JARID2: variants seen among roughly 807,000 people sequenced by gnomAD.
The protein encoded by JARID2 is jumonji and AT-rich interaction domain containing 2, also known as protein Jumonji.
Under a neutral mutation model 125.6 loss-of-function variants are expected in JARID2, and 21 were observed. That is an observed-to-expected ratio of 0.17 (90% CI 0.12 to 0.24). The LOEUF is 0.24. JARID2 is among the 10% of genes least tolerant of loss of function. JARID2 has a pLI of 1.00. For missense variants in JARID2, 1,303 were observed against 1,639.6 expected (o/e 0.79, Z 3.55); for synonymous variants, 736 against 661.6 (o/e 1.11, Z -1.73).
intron 1 of JARID2, among the ~76,000 whole-genome samples, chr6:15,328,113 C>T (rs1023731383): frequency 1.3e-5 from 2 of 152,012 alleles, no homozygotes; most frequent in Admixed American, 1.3e-4. Context: ...TGTGAGAGTT[C>T]ATGAAGGGAA....
rs1771856115 is a variant in JARID2 at position 15,521,594 on chromosome 6, G to A, written c.*1343G>A. On this transcript the variant is annotated 3_prime_UTR_variant, in exon 18 of 18. Transcript: ENST00000341776. ...AGCTGTTGCCCTTCTCCGGTTGTGT[G>A]TACAGTATGTGTGGAATAAAAAAGG... 1 of 152,100 alleles carries A rather than the reference G, an allele frequency of 6.6e-6. No individual in the cohort carries two copies. 9.4% of individuals were successfully genotyped at this position (152,100 alleles called of 1,614,324 possible). A position where few individuals can be genotyped will look rare whatever the true frequency, so the allele number is the denominator to read the frequency against.
In JARID2 at chr6:15,504,522, C is replaced by T. The variant is rs1770900710; in HGVS notation, c.2471C>T (p.Thr824Ile). ...CAGGGAAGGTCTGTTTCTCTAACAACTTTTTATCGAACAGCGAGGAATATC... is the reference window on the plus strand; with the variant it reads ...CAGGGAAGGTCTGTTTCTCTAACAATTTTTTATCGAACAGCGAGGAATATC... ...IYKGRSVSLT[T>I]FYRTARNIMS... is the part of the protein sequence containing the mutation. The change falls in exon 9 of 18, where the codon ACT (threonine) becomes ATT (isoleucine). Residue 824 changes from threonine to isoleucine, a missense_variant. By Grantham distance (89) the Thr-to-Ile change is moderately conservative. Around this residue, in one of 11 missense-constraint regions of JARID2, gnomAD observed 29 missense variants for 47.7 expected, o/e 0.61. Transcript: ENST00000341776. 1 of 1,613,744 alleles carries T rather than the reference C, an allele frequency of 6.2e-7. No individual in the cohort carries two copies. Among genetic ancestry groups the T allele is most frequent in the East Asian group, 2.2e-5 (1 of 44,888 alleles).
chr6:15,423,545 T>G (rs1766594002), intron 3 of JARID2, among the ~76,000 whole-genome samples: 1 of 152,174 alleles, frequency 6.6e-6, no homozygotes, highest in Admixed American at 6.5e-5. Flanking sequence ...GTATTTTAAG[T>G]TCACTTTTAT....
intron 16 of JARID2, among the ~76,000 whole-genome samples, chr6:15,514,540 C>T (rs1384545955): frequency 6.6e-6 from 1 of 152,182 alleles, no homozygotes; most frequent in Non-Finnish European, 1.5e-5. Context: ...TCCTTGGCCT[C>T]CCAGTGTGAC....
chr6:15,284,436 C>G (rs1760914068), intron 1 of JARID2, among the ~76,000 whole-genome samples: 1 of 151,898 alleles, frequency 6.6e-6, no homozygotes, highest in Non-Finnish European at 1.5e-5. Flanking sequence ...CAGCTCTGGG[C>G]TATACTCCAG....
At chr6:15,420,706 G>T (rs905637930) in intron 3 of JARID2, among the ~76,000 whole-genome samples, 3 of 152,180 alleles carry the variant, frequency 2.0e-5, no homozygotes, top group South Asian at 2.1e-4. Flanking sequence ...ATTGTTCTGA[G>T]ATCTGATTAT....
intron 1 of JARID2, among the ~76,000 whole-genome samples, chr6:15,279,685 A>G (rs1434653617): frequency 6.6e-6 from 1 of 152,018 alleles, no homozygotes; most frequent in Non-Finnish European, 1.5e-5. Flanking sequence ...ACTTGTGTTA[A>G]TTTGTCAGAG....
chr6:15,490,979 C>T (rs1270092683), intron 6 of JARID2, among the ~76,000 whole-genome samples: 1 of 152,136 alleles, frequency 6.6e-6, no homozygotes, highest in Non-Finnish European at 1.5e-5. Flanking sequence ...TTTTGCAGGA[C>T]CTTCCATTGA....
chr6:15,485,644 T>C (rs1194686928), intron 5 of JARID2, among the ~76,000 whole-genome samples: 2 of 152,242 alleles, frequency 1.3e-5, no homozygotes, highest in African/African-American at 2.4e-5. Context: ...TTAATTGTTA[T>C]ACTTTCATAA....
intron 6 of JARID2, among the ~76,000 whole-genome samples, chr6:15,491,121 CT>C (rs1241430794): frequency 6.6e-6 from 1 of 152,170 alleles, no homozygotes; most frequent in East Asian, 1.9e-4. Context: ...GAAAATACGG[CT>C]ATTGAGAAGG....
intron 1 of JARID2, among the ~76,000 whole-genome samples, chr6:15,263,448 G>A (rs1424468409): frequency 6.6e-6 from 1 of 151,940 alleles, no homozygotes; most frequent in Non-Finnish European, 1.5e-5. Context: ...ACTACCCTTC[G>A]TAATGAACTC....
intron 1 of JARID2, among the ~76,000 whole-genome samples, chr6:15,334,249 G>A (rs1413182539): frequency 1.3e-5 from 2 of 152,148 alleles, no homozygotes; most frequent in African/African-American, 4.8e-5. Flanking sequence ...TTGTCAGTGT[G>A]CTGCATAATG....
chr6:15,365,248 A>G (rs1298688072), intron 1 of JARID2, among the ~76,000 whole-genome samples: 2 of 152,204 alleles, frequency 1.3e-5, no homozygotes, highest in Non-Finnish European at 2.9e-5. Context: ...GTGAAGGTAC[A>G]TTGACAATCC....
At chr6:15,516,515 C>T (rs1771568289) in intron 16 of JARID2, among the ~76,000 whole-genome samples, 1 of 152,206 alleles carries the variant, frequency 6.6e-6, no homozygotes, top group Non-Finnish European at 1.5e-5. Context: ...TTGTGGACAG[C>T]CCGCCCAAGG....
chr6:15,393,204 T>TAA (rs34092241), intron 2 of JARID2, among the ~76,000 whole-genome samples: 116 of 151,932 alleles, frequency 7.6e-4, no homozygotes, highest in Non-Finnish European at 1.1e-3. Context: ...CTGACAAAGT[T>TAA]AAAAAAATTG....
intron 1 of JARID2, among the ~76,000 whole-genome samples, chr6:15,348,513 C>CA (rs999712280): frequency 6.6e-6 from 1 of 152,148 alleles, no homozygotes; most frequent in Non-Finnish European, 1.5e-5. Context: ...GGGACTGGTT[C>CA]AGAGTCTTCA....
At chr6:15,312,998 G>A (rs886603597) in intron 1 of JARID2, among the ~76,000 whole-genome samples, 1 of 152,132 alleles carries the variant, frequency 6.6e-6, no homozygotes, top group Admixed American at 6.5e-5. Flanking sequence ...CCCGCAAACC[G>A]AGCTGCAGCC....
intron 4 of JARID2, among the ~76,000 whole-genome samples, chr6:15,459,431 AAG>A (rs1004682226): frequency 6.6e-6 from 1 of 151,948 alleles, no homozygotes; most frequent in African/African-American, 2.4e-5. Context: ...CAAGGAAAAA[AAG>A]AGTCTGTATG....
At chr6:15,507,983 T>G (rs987026104) in intron 11 of JARID2, among the ~76,000 whole-genome samples, 1 of 152,230 alleles carries the variant, frequency 6.6e-6, no homozygotes, top group Non-Finnish European at 1.5e-5. Context: ...GCTTTCTGCC[T>G]CTGGCCCTGA....
Sources: gnomAD v4.1 joint callset for allele counts (sites outside exome capture counted in the v4.1 genomes callset) on GRCh38, gnomAD v4.1.1 for gene constraint, gnomAD v4.1.1 regional missense constraint, MANE v1.5 for transcripts, NCBI Gene and HGNC (gene_info 2026-07-23, HGNC 2026-07-21) for gene names.